The following RAPGEF2 variants were observed in gnomAD, a reference collection of about 807,000 sequenced individuals.
RAPGEF2 encodes PDZ domain containing guanine nucleotide exchange factor (GEF) 1.
In RAPGEF2, 54 loss-of-function variants were observed where a neutral mutation model predicts 186.7. That is an observed-to-expected ratio of 0.29 (90% CI 0.23 to 0.36). RAPGEF2 has a LOEUF of 0.36. RAPGEF2 is among the 10% of genes least tolerant of loss of function. RAPGEF2 has a pLI of 1.00. For synonymous variants in RAPGEF2, 712 were observed against 705.9 expected (o/e 1.01, Z -0.14); for missense variants, 1,532 against 2,045.0 (o/e 0.75, Z 4.84).
At chr4:159,273,932 C>T (rs1402435489) in intron 7 of RAPGEF2, among the ~76,000 whole-genome samples, 1 of 152,094 alleles carries the variant, frequency 6.6e-6, no homozygotes, top group Non-Finnish European at 1.5e-5. Context: ...GCTGGGATTA[C>T]AGGTGCGTGC....
intron 7 of RAPGEF2, among the ~76,000 whole-genome samples, chr4:159,261,469 C>G (rs867482192): frequency 2.0e-5 from 3 of 152,340 alleles, no homozygotes; most frequent in Admixed American, 6.5e-5. Context: ...TAGCTGTAAT[C>G]TGCCTCTCCA....
At chr4:159,327,262 G>A (rs367615917) in intron 11 of RAPGEF2, 2 of 152,130 alleles carry the variant, frequency 1.3e-5, no homozygotes, top group East Asian at 3.8e-4. Context: ...ATTCTTACTT[G>A]AATTTTTATT....
chr4:159,177,283 A>G (rs1746537018), intron 1 of RAPGEF2, among the ~76,000 whole-genome samples: 1 of 151,228 alleles, frequency 6.6e-6, no homozygotes, highest in Non-Finnish European at 1.5e-5. Flanking sequence ...ATTCTGATAT[A>G]TATAGTGTCT....
At chr4:159,131,517 CTA>C (rs1579266158) in intron 1 of RAPGEF2, among the ~76,000 whole-genome samples, 1 of 35,410 alleles carries the variant, frequency 2.8e-5, no homozygotes, top group East Asian at 5.8e-4. Flanking sequence ...TGATTAATTG[CTA>C]TTTTTTTTTT....
In RAPGEF2 at chr4:159,186,682, C is replaced by G. The variant is rs1747585160; in HGVS notation, c.110C>G (p.Ala37Gly). The change falls in exon 2 of 30, where the codon GCC (alanine) becomes GGC (glycine). Residue 37 changes from alanine to glycine, a missense_variant. Transcript: ENST00000691494. Reference protein sequence around the residue: ...IVYSYLHGMEALSNLREHQLR... With the variant: ...IVYSYLHGMEGLSNLREHQLR... The stretch of plus-strand genomic sequence containing the variant: ...TATTCCTATTTACATGGTATGGAAG[C>G]CTTATCAAACTTGAGGGAGCATCAA... 5 of 1,474,014 alleles carry G rather than the reference C, an allele frequency of 3.4e-6. No homozygotes were observed. Among genetic ancestry groups the G allele is most frequent in the Non-Finnish European group, 9.1e-7 (1 of 1,099,564 alleles). The allele number at this position is 1,474,014 out of a possible 1,614,324, so 91.3% of individuals were successfully genotyped here.
chr4:159,180,027 C>T (rs1746845732), intron 1 of RAPGEF2, among the ~76,000 whole-genome samples: 1 of 152,082 alleles, frequency 6.6e-6, no homozygotes, highest in Non-Finnish European at 1.5e-5. Context: ...GGTCTCGACA[C>T]CTGGTGAGAA....
At chr4:159,149,481 A>G (rs1422181489) in intron 1 of RAPGEF2, among the ~76,000 whole-genome samples, 2 of 151,058 alleles carry the variant, frequency 1.3e-5, no homozygotes, top group African/African-American at 4.9e-5. Context: ...CTGGTCTTGA[A>G]CTCCTGACCT....
At chr4:159,215,126 A>T (rs999793501) in intron 4 of RAPGEF2, among the ~76,000 whole-genome samples, 3 of 144,448 alleles carry the variant, frequency 2.1e-5, no homozygotes, top group African/African-American at 7.7e-5. Context: ...GCCTCCCAAA[A>T]TGCTGGGATT....
chr4:159,276,391 T>C (rs1468781872), intron 7 of RAPGEF2, among the ~76,000 whole-genome samples: 2 of 152,214 alleles, frequency 1.3e-5, no homozygotes, highest in African/African-American at 4.8e-5. Flanking sequence ...ATTAATATCA[T>C]TTGTTGAAAT....
Position 159,355,964 on chromosome 4 carries a change from A to G in RAPGEF2, c.4763A>G (p.Asp1588Gly). 1 of 1,407,754 alleles carries G rather than the reference A, an allele frequency of 7.1e-7. No individual in the cohort carries two copies. Among genetic ancestry groups the G allele is most frequent in the Non-Finnish European group, 9.5e-7 (1 of 1,052,074 alleles). The allele number at this position is 1,407,754 out of a possible 1,614,324, so 87.2% of individuals were successfully genotyped here. The part of the protein sequence containing the change: ...GHSHPARKPP[D>G]YNVALQRSRM... ...TCCCATCCAGCCAGGAAACCGCCGG[A>G]CTACAACGTGGCCCTTCAGAGATCG... The change falls in exon 29 of 30, where the codon GAC becomes GGC. Residue 1588 changes from aspartate (D) to glycine (G), a missense_variant. Asp to Gly is a moderately conservative substitution (Grantham distance 94, BLOSUM62 -1). Around this residue, in one of 4 missense-constraint regions of RAPGEF2, gnomAD observed 594 missense variants for 608.5 expected, o/e 0.98. Coordinates refer to ENST00000691494, the MANE Select transcript of RAPGEF2 (RefSeq NM_001394067.2).
chr4:159,263,644 A>C (rs1350435958), intron 7 of RAPGEF2, among the ~76,000 whole-genome samples: 1 of 152,148 alleles, frequency 6.6e-6, no homozygotes, highest in African/African-American at 2.4e-5. Context: ...TTTCTATTAA[A>C]GATAAGTACA....
intron 1 of RAPGEF2, among the ~76,000 whole-genome samples, chr4:159,153,125 T>G (rs969248412): frequency 6.6e-6 from 1 of 152,236 alleles, no homozygotes; most frequent in African/African-American, 2.4e-5. Context: ...ACAACTTCAT[T>G]ACACTAGTAG....
At chr4:159,339,047 T>C in intron 18 of RAPGEF2, 67 bp from the exon 19 acceptor site, 2 of 1,536,770 alleles carry the variant, frequency 1.3e-6, no homozygotes, top group East Asian at 2.3e-5. Context: ...TCTGATTACT[T>C]TGCTTAATTG....
intron 1 of RAPGEF2, among the ~76,000 whole-genome samples, chr4:159,105,232 A>G (rs557626337): frequency 1.8e-4 from 28 of 152,322 alleles, no homozygotes; most frequent in Non-Finnish European, 3.5e-4. Context: ...CTGCCTGCCA[A>G]CCCTCTTAAG....
At chr4:159,115,645 A>G (rs760700109) in intron 1 of RAPGEF2, among the ~76,000 whole-genome samples, 11 of 152,252 alleles carry the variant, frequency 7.2e-5, no homozygotes, top group Admixed American at 3.3e-4. Context: ...TATTTGGTCA[A>G]ATTGTTAAAA....
intron 1 of RAPGEF2, among the ~76,000 whole-genome samples, chr4:159,180,852 A>G (rs1746931805): frequency 6.6e-6 from 1 of 152,234 alleles, no homozygotes; most frequent in South Asian, 2.1e-4. Context: ...GTTTTATGAT[A>G]CAGGCTCAGT....
Position 159,346,926 on chromosome 4 carries a change from G to A in RAPGEF2, c.3640G>A (p.Gly1214Arg). 1 of 1,614,090 alleles carries A rather than the reference G, an allele frequency of 6.2e-7. No homozygotes were observed. The highest frequency in any genetic ancestry group is 1.3e-5 in the African/African-American group (1 of 74,998). The change falls in exon 25 of 30, where the codon GGA becomes AGA. Residue 1214 changes from glycine (G) to arginine (R), a missense_variant. Coordinates refer to ENST00000691494, the MANE Select transcript of RAPGEF2 (RefSeq NM_001394067.2). The part of the protein sequence containing the change: ...QPPPAHKINQ[G>R]LQVPAVSLYP... ...ACCACCAGCACATAAAATCAACCAG[G>A]GACTACAGGTTCCCGCCGTGTCCCT...
chr4:159,315,534 C>T (rs1331377647), intron 9 of RAPGEF2, among the ~76,000 whole-genome samples: 27 of 152,050 alleles, frequency 1.8e-4, no homozygotes, highest in Admixed American at 1.6e-3. Context: ...CATTTAGGCC[C>T]GGGGACCACT....
chr4:159,275,394 T>A (rs1417485457), intron 7 of RAPGEF2, among the ~76,000 whole-genome samples: 1 of 152,186 alleles, frequency 6.6e-6, no homozygotes, highest in African/African-American at 2.4e-5. Context: ...CATTCTTCTT[T>A]AATGAACTCT....
Sources: gnomAD v4.1 joint callset for allele counts (sites outside exome capture counted in the v4.1 genomes callset) on GRCh38, gnomAD v4.1.1 for gene constraint, gnomAD v4.1.1 regional missense constraint, MANE v1.5 for transcripts, NCBI Gene and HGNC (gene_info 2026-07-23, HGNC 2026-07-21) for gene names.